Variants in OR3A2 observed in about 807,000 individuals in gnomAD.
The protein encoded by OR3A2 is olfactory receptor 3A2.
For missense variants in OR3A2, 318 were observed against 392.8 expected (o/e 0.81, Z 1.61); for synonymous variants, 126 against 159.3 (o/e 0.79, Z 1.57).
chr17:3,349,134 A>T (rs892307634), intron 2 of OR3A2, among the ~76,000 whole-genome samples: 1 of 152,152 alleles, frequency 6.6e-6, no homozygotes, highest in African/African-American at 2.4e-5. Flanking sequence ...TAACGTGCAA[A>T]ATCACCAGCT....
chr17:3,326,893 T>C (rs557299153), intron 3 of OR3A2, among the ~76,000 whole-genome samples: 2 of 130,108 alleles, frequency 1.5e-5, no homozygotes, highest in South Asian at 2.8e-4. Flanking sequence ...TCATCATTTT[T>C]TATGGCTGCA....
At chr17:3,292,324 G>C in intron 3 of OR3A2, 1 of 1,614,084 alleles carries the variant, frequency 6.2e-7, no homozygotes, top group Non-Finnish European at 8.5e-7. Context: ...GACAGGAGAC[G>C]ACTCAACATT....
intron 2 of OR3A2, among the ~76,000 whole-genome samples, chr17:3,344,457 C>T (rs950289983): frequency 6.6e-6 from 1 of 152,106 alleles, no homozygotes; most frequent in Non-Finnish European, 1.5e-5. Flanking sequence ...GATTCCCCAC[C>T]ATACAGCTAG....
At chr17:3,351,755 A>T (rs2049421949) in intron 2 of OR3A2, among the ~76,000 whole-genome samples, 1 of 152,034 alleles carries the variant, frequency 6.6e-6, no homozygotes, top group South Asian at 2.1e-4. Flanking sequence ...ACAAAGCTGG[A>T]GGCATCACAC....
At chr17:3,289,106 TGA>T (rs71998789), upstream of OR3A2, among the ~76,000 whole-genome samples, 1,911 of 150,374 alleles carry the variant, frequency 0.013, 25 homozygotes, top group African/African-American at 0.044. Flanking sequence ...TTTGTGTGTG[TGA>T]GTGTGTGTTT....
At chr17:3,381,235 G>A (rs1017572511) in intron 2 of OR3A2, among the ~76,000 whole-genome samples, 6 of 151,828 alleles carry the variant, frequency 4.0e-5, no homozygotes, top group Admixed American at 3.3e-4. Flanking sequence ...GTGCACTTCC[G>A]TGTCTTGGGG....
chr17:3,330,926 A>G (rs1284966366), intron 3 of OR3A2, among the ~76,000 whole-genome samples: 1 of 151,888 alleles, frequency 6.6e-6, no homozygotes, highest in Non-Finnish European at 1.5e-5. Flanking sequence ...AAAATCTCTC[A>G]GCATTTGCTT....
In OR3A2 at chr17:3,311,161, T is replaced by A. The variant is rs1192735383; in HGVS notation, c.-85+24872A>T. 3.7e-6 allele frequency: 2 copies of A among 539,028 alleles called. No individual in the cohort carries two copies. The highest frequency in any genetic ancestry group is 1.1e-4 in the East Asian group (2 of 18,684). The allele number at this position is 539,028 out of a possible 1,614,324, so 33.4% of individuals were successfully genotyped here. ...GGCATTGGCATCCTCAACACTGTCA[T>A]CAGCCCCATGCTGAACCCACTCATC... On this transcript the variant is annotated intron_variant, in intron 3 of 4. Coordinates refer to the OR3A2 transcript ENST00000573491. This position sits in a 1 kb window ranked among gnomAD's most constrained non-coding sequence, Gnocchi z 4.6.
rs561228691 is a variant in OR3A2, at chr17:3,313,028, G to A, written c.-85+23005C>T. Among the ~76,000 whole-genome samples, 43 of 152,308 alleles carry A rather than the reference G, an allele frequency of 2.8e-4. No individual in the cohort carries two copies. In the South Asian group the frequency reaches 8.3e-3, roughly 29 times the overall value. On this transcript the variant is annotated intron_variant, in intron 3 of 4. Coordinates refer to the OR3A2 transcript ENST00000573491. ...AAGGTGAGGAGACTGATAAGAAGGG[G>A]AAACTAGAGGGGAATATCATTTGCA...
intron 3 of OR3A2, among the ~76,000 whole-genome samples, chr17:3,315,085 C>T (rs1314339612): frequency 1.3e-5 from 2 of 152,140 alleles, no homozygotes; most frequent in Non-Finnish European, 1.5e-5. Flanking sequence ...TCCAGCTCAC[C>T]ACTGATGGGT....
At chr17:3,310,356 G>C (rs1408648452) in intron 3 of OR3A2, 1 of 534,748 alleles carries the variant, frequency 1.9e-6, no homozygotes, top group Non-Finnish European at 3.8e-6. Context: ...GACCAAGTTT[G>C]TCCTGCTGGG....
chr17:3,352,674 G>A (rs1330772461), intron 2 of OR3A2, among the ~76,000 whole-genome samples: 2 of 151,862 alleles, frequency 1.3e-5, no homozygotes, highest in African/African-American at 4.8e-5. Context: ...TTTGAAGTAA[G>A]GTAACATAAT....
chr17:3,342,646 C>G (rs1172990307), intron 2 of OR3A2, among the ~76,000 whole-genome samples: 1 of 152,216 alleles, frequency 6.6e-6, no homozygotes, highest in Non-Finnish European at 1.5e-5. Flanking sequence ...GATCCTTCCT[C>G]TGGAAGCTTC....
At chr17:3,348,986 GAT>G (rs2049394791) in intron 2 of OR3A2, among the ~76,000 whole-genome samples, 1 of 152,088 alleles carries the variant, frequency 6.6e-6, no homozygotes, top group Non-Finnish European at 1.5e-5. Flanking sequence ...AATGCTGAGA[GAT>G]TTTGTCGCCA....
intron 3 of OR3A2, among the ~76,000 whole-genome samples, chr17:3,294,967 T>TA (rs1470882134): frequency 6.6e-6 from 1 of 152,142 alleles, no homozygotes; most frequent in African/African-American, 2.4e-5. Flanking sequence ...TTGTTTTTTT[T>TA]AACAGAAGCT....
intron 2 of OR3A2, among the ~76,000 whole-genome samples, chr17:3,353,499 T>C (rs1432708792): frequency 1.3e-5 from 2 of 151,886 alleles, no homozygotes; most frequent in Non-Finnish European, 2.9e-5. Flanking sequence ...TAGCTGTGGA[T>C]CTGTCATATA....
Position 3,381,450 on chromosome 17 carries a change from CCACAACAGCAG to C in OR3A2, c.-179+2343_-179+2353del, listed in dbSNP as rs796670031. ...TGGGCCTGAGGAAAGGGCTATGTGT[CCACAACAGCAG>C]CTCAGCATCCAGGGAGCCCAGCCCT... On this transcript the variant is annotated intron_variant, in intron 2 of 4. Transcript: ENST00000573491. 8.5e-5 allele frequency among the ~76,000 whole-genome samples: 13 copies of C among 152,224 alleles called. No homozygotes were observed. In the South Asian group the frequency reaches 2.1e-3, roughly 24 times the overall value.
chr17:3,301,401 G>A (rs4534883), intron 3 of OR3A2, among the ~76,000 whole-genome samples: 69,504 of 150,442 alleles, frequency 0.46, 17,157 homozygotes, highest in East Asian at 0.95. Flanking sequence ...GTGTGAGATG[G>A]TATCTCATTG....
rs567532367 is a variant in OR3A2, at chr17:3,340,824, A to G, written c.-178-4698T>C. ...AGTTCAATTCCTGGATATCCTTGTT[A>G]ACCTTCTGTCTTGTTGATCTGTCTA... On this transcript the variant is annotated intron_variant, in intron 2 of 4. Transcript: ENST00000573491. Among the ~76,000 whole-genome samples the G allele has an allele frequency of 2.6e-3, 392 of 152,100 alleles. 1 individual carries two copies. The highest frequency in any genetic ancestry group is 0.017 in the Middle Eastern group (5 of 294).
Sources: allele counts gnomAD v4.1 joint callset (sites outside exome capture counted in the v4.1 genomes callset), GRCh38; gene constraint gnomAD v4.1.1; non-coding constraint Gnocchi (gnomAD v3.1); transcripts MANE v1.5; gene names NCBI Gene and HGNC (gene_info 2026-07-23, HGNC 2026-07-21).